The following DNAI7 variants were observed in gnomAD, a reference collection of about 807,000 sequenced individuals.
DNAI7 encodes cancer susceptibility 1.
In DNAI7, 78 loss-of-function variants were observed where a neutral mutation model predicts 86.6. That is an observed-to-expected ratio of 0.90 (90% CI 0.75 to 1.09). DNAI7 has a LOEUF of 1.09. Ranked by LOEUF, DNAI7 falls within the 50% of genes least tolerant of loss-of-function variation. The probability of loss-of-function intolerance (pLI) is 0.00; values close to 1 mark genes in which losing one functional copy is unlikely to be tolerated. For synonymous variants in DNAI7, 274 were observed against 273.0 expected (o/e 1.00, Z -0.04); for missense variants, 753 against 810.2 (o/e 0.93, Z 0.86).
At chr12:25,150,931 T>C in intron 6 of DNAI7, among the ~76,000 whole-genome samples, 1 of 152,234 alleles carries the variant, frequency 6.6e-6, no homozygotes. Context: ...CTAAATGCTG[T>C]ATATGTTTTA....
At chr12:25,147,191 G>T in intron 7 of DNAI7, 87 bp from the exon 8 acceptor site, 1 of 689,228 alleles carries the variant, frequency 1.5e-6, no homozygotes, top group South Asian at 1.9e-5. Flanking sequence ...CTTATGTGTT[G>T]GATTCCCTTT....
chr12:25,190,211 T>G (rs1950398222), intron 2 of DNAI7, among the ~76,000 whole-genome samples: 1 of 152,150 alleles, frequency 6.6e-6, no homozygotes, highest in South Asian at 2.1e-4. Flanking sequence ...TGTGTTACCA[T>G]GCAACCCATT....
intron 3 of DNAI7, among the ~76,000 whole-genome samples, chr12:25,160,658 T>C (rs1384136570): frequency 6.6e-6 from 1 of 152,232 alleles, no homozygotes; most frequent in Non-Finnish European, 1.5e-5. Flanking sequence ...CCCTCCCTTG[T>C]CCAAGTGTGC....
intron 9 of DNAI7, among the ~76,000 whole-genome samples, chr12:25,137,578 T>C (rs1943690260): frequency 6.6e-6 from 1 of 152,096 alleles, no homozygotes; most frequent in African/African-American, 2.4e-5. Flanking sequence ...GCCTAAATGC[T>C]CCACTTAAAA....
At chr12:25,113,341 G>C (rs550363008) in intron 13 of DNAI7, among the ~76,000 whole-genome samples, 1 of 151,996 alleles carries the variant, frequency 6.6e-6, no homozygotes, top group Non-Finnish European at 1.5e-5. Flanking sequence ...TTGCTCTGTC[G>C]CCCAGGCTGG....
intron 2 of DNAI7, among the ~76,000 whole-genome samples, chr12:25,163,426 C>T (rs541333857): frequency 1.3e-5 from 2 of 152,336 alleles, no homozygotes; most frequent in Admixed American, 1.3e-4. Context: ...CTTGTGACCC[C>T]CCACTCCTGC....
At chr12:25,107,972 C>T, downstream of DNAI7, 2 of 1,614,156 alleles carry the variant, frequency 1.2e-6, no homozygotes, top group Non-Finnish European at 8.5e-7. Flanking sequence ...GATGCCGCTC[C>T]CACACAGCAA....
At chr12:25,175,819 C>T (rs1948894611) in intron 2 of DNAI7, among the ~76,000 whole-genome samples, 1 of 151,940 alleles carries the variant, frequency 6.6e-6, no homozygotes, top group Admixed American at 6.6e-5. Flanking sequence ...GTGGCTCACA[C>T]CTGTAATCCC....
At chr12:25,184,443 T>C (rs556206419) in intron 2 of DNAI7, among the ~76,000 whole-genome samples, 131 of 152,350 alleles carry the variant, frequency 8.6e-4, no homozygotes, top group African/African-American at 3.0e-3. Flanking sequence ...TGCTATATCA[T>C]GCATCAGTAC....
At chr12:25,160,981 T>C in intron 3 of DNAI7, 132 bp downstream of exon 3, 2 of 616,860 alleles carry the variant, frequency 3.2e-6, no homozygotes, top group South Asian at 4.2e-5. Flanking sequence ...TTCTAAAAGA[T>C]AGATACCTAT....
At chr12:25,176,646 C>A in intron 2 of DNAI7, among the ~76,000 whole-genome samples, 1 of 151,924 alleles carries the variant, frequency 6.6e-6, no homozygotes, top group African/African-American at 2.4e-5. Context: ...TAACATCATG[C>A]AATTCTTTGA....
At chr12:25,157,473 T>TG (rs1455835530) in intron 4 of DNAI7, among the ~76,000 whole-genome samples, 1 of 152,092 alleles carries the variant, frequency 6.6e-6, no homozygotes, top group African/African-American at 2.4e-5. Flanking sequence ...AGCTGTCTTC[T>TG]GTTAAGTCAG....
At chr12:25,187,294 AGG>A (rs1950120791) in intron 2 of DNAI7, among the ~76,000 whole-genome samples, 1 of 152,114 alleles carries the variant, frequency 6.6e-6, no homozygotes, top group Non-Finnish European at 1.5e-5. Flanking sequence ...TCATTCCCCC[AGG>A]TAATTACTAA....
At chr12:25,108,199 CTTTTTGCCT>C, downstream of DNAI7, 1 of 949,798 alleles carries the variant, frequency 1.1e-6, no homozygotes, top group South Asian at 1.9e-5. Flanking sequence ...TACATTTCCT[CTTTTTGCCT>C]TTATCTCCCC....
At chr12:25,181,037 A>T (rs767747820) in intron 2 of DNAI7, among the ~76,000 whole-genome samples, 23 of 152,146 alleles carry the variant, frequency 1.5e-4, no homozygotes, top group Non-Finnish European at 2.8e-4. Flanking sequence ...CGAACTCCTG[A>T]CCTCAGATGA....
intron 3 of DNAI7, among the ~76,000 whole-genome samples, chr12:25,159,794 A>T (rs950955688): frequency 1.3e-5 from 2 of 152,188 alleles, no homozygotes; most frequent in Non-Finnish European, 2.9e-5. Flanking sequence ...AGTCACCGAA[A>T]AAAAAGGATG....
intron 2 of DNAI7, among the ~76,000 whole-genome samples, chr12:25,165,533 C>G (rs1368332618): frequency 6.6e-6 from 1 of 152,208 alleles, no homozygotes; most frequent in African/African-American, 2.4e-5. Context: ...TTCAACTGAC[C>G]TGGCAGCCAC....
At chr12:25,140,091 C>T (rs1944002067) in intron 9 of DNAI7, among the ~76,000 whole-genome samples, 1 of 152,084 alleles carries the variant, frequency 6.6e-6, no homozygotes, top group African/African-American at 2.4e-5. Flanking sequence ...CAACATTATA[C>T]TGAATAGGGA....
intron 4 of DNAI7, among the ~76,000 whole-genome samples, chr12:25,158,241 AAAG>A (rs1592504568): frequency 2.0e-5 from 3 of 152,144 alleles, no homozygotes; most frequent in African/African-American, 7.2e-5. Flanking sequence ...GAAAAAAAAA[AAAG>A]AAGATCCAAG....
Sources: gnomAD v4.1 joint callset for allele counts (sites outside exome capture counted in the v4.1 genomes callset) on GRCh38, gnomAD v4.1.1 for gene constraint, MANE v1.5 for transcripts, NCBI Gene and HGNC (gene_info 2026-07-23, HGNC 2026-07-21) for gene names.